NLGN1: variants seen among roughly 807,000 people sequenced by gnomAD.
NLGN1 encodes the protein neuroligin 1, also known as neuroligin-1.
NLGN1 carries 12 observed loss-of-function variants against 65.5 expected under a neutral mutation model. The ratio of observed to expected loss-of-function variants is 0.18; its 90% CI spans 0.12 to 0.30. NLGN1 has a LOEUF of 0.30. NLGN1 is among the 10% of genes least tolerant of loss of function. The pLI is 1.00. For missense variants in NLGN1, 750 were observed against 1,007.1 expected (o/e 0.74, Z 3.46); for synonymous variants, 350 against 359.5 (o/e 0.97, Z 0.30).
chr3:173,434,708 C>T (rs1717787209), intron 1 of NLGN1, among the ~76,000 whole-genome samples: 1 of 152,118 alleles, frequency 6.6e-6, no homozygotes, highest in African/African-American at 2.4e-5. Context: ...ATAAAATAGT[C>T]TAAAAGGAGT....
At chr3:174,173,451 A>G (rs1190041724) in intron 4 of NLGN1, among the ~76,000 whole-genome samples, 1 of 152,072 alleles carries the variant, frequency 6.6e-6, no homozygotes, top group Admixed American at 6.6e-5. Flanking sequence ...TGTCTGTCTC[A>G]TATAAATCTG....
chr3:174,164,105 C>G (rs1727082009), intron 4 of NLGN1, among the ~76,000 whole-genome samples: 1 of 151,790 alleles, frequency 6.6e-6, no homozygotes. Context: ...GTTGTTTTTT[C>G]TTTTTGACTT....
intron 2 of NLGN1, among the ~76,000 whole-genome samples, chr3:173,496,212 C>G (rs955000197): frequency 6.6e-6 from 1 of 151,572 alleles, no homozygotes; most frequent in Non-Finnish European, 1.5e-5. Context: ...TTAGTCAGTC[C>G]TTTATTGAGT....
At chr3:173,793,288 A>G (rs1713217327) in intron 3 of NLGN1, among the ~76,000 whole-genome samples, 1 of 152,130 alleles carries the variant, frequency 6.6e-6, no homozygotes. Context: ...GTATTTAATG[A>G]CAGGAATGAG....
At chr3:173,811,588 AAGAAAAGAAG>A (rs1241445615) in intron 4 of NLGN1, among the ~76,000 whole-genome samples, 1 of 150,108 alleles carries the variant, frequency 6.7e-6, no homozygotes, top group Non-Finnish European at 1.5e-5. Context: ...AAAAAAAAGG[AAGAAAAGAAG>A]AGAAAAGAAA....
chr3:173,993,878 G>A (rs937572528), intron 4 of NLGN1, among the ~76,000 whole-genome samples: 10 of 151,730 alleles, frequency 6.6e-5, no homozygotes, highest in Non-Finnish European at 1.3e-4. Context: ...GTATGTGTTT[G>A]TGTATTTATA....
intron 4 of NLGN1, among the ~76,000 whole-genome samples, chr3:174,139,908 A>G (rs549756453): frequency 1.4e-4 from 21 of 152,250 alleles, no homozygotes; most frequent in Non-Finnish European, 2.2e-4. Flanking sequence ...TGAGGTGTCT[A>G]TTTAAGTCTT....
intron 4 of NLGN1, among the ~76,000 whole-genome samples, chr3:174,041,790 C>T (rs1732375380): frequency 6.6e-6 from 1 of 151,912 alleles, no homozygotes; most frequent in Non-Finnish European, 1.5e-5. Flanking sequence ...AATATTTTGC[C>T]CATTTAAAAA....
intron 4 of NLGN1, among the ~76,000 whole-genome samples, chr3:173,849,048 A>G (rs1269440568): frequency 3.3e-5 from 5 of 152,140 alleles, no homozygotes; most frequent in Non-Finnish European, 5.9e-5. Flanking sequence ...GATATAGCCA[A>G]TGGTTTTATG....
intron 1 of NLGN1, among the ~76,000 whole-genome samples, chr3:173,420,631 C>T (rs1051463755): frequency 2.0e-5 from 3 of 152,106 alleles, no homozygotes; most frequent in African/African-American, 7.2e-5. Context: ...ATTTCTAGTT[C>T]TAGATCCCTG....
intron 2 of NLGN1, among the ~76,000 whole-genome samples, chr3:173,558,062 A>T (rs140743080): frequency 2.0e-5 from 3 of 152,178 alleles, no homozygotes; most frequent in Non-Finnish European, 4.4e-5. Flanking sequence ...TTAAAGATAC[A>T]GTTGCATTGT....
At chr3:174,147,925 A>G (rs575438520) in intron 4 of NLGN1, among the ~76,000 whole-genome samples, 29 of 152,310 alleles carry the variant, frequency 1.9e-4, no homozygotes, top group African/African-American at 6.3e-4. Flanking sequence ...TAAATGAACT[A>G]CCACATTAAA....
intron 4 of NLGN1, among the ~76,000 whole-genome samples, chr3:173,936,904 ACTATTTAGAAAT>A (rs1745166549): frequency 6.6e-6 from 1 of 152,046 alleles, no homozygotes; most frequent in African/African-American, 2.4e-5. Flanking sequence ...TTTTATTTTC[ACTATTTAGAAAT>A]ACAAGAAAAT....
At chr3:173,728,676 G>T (rs1390269756) in intron 3 of NLGN1, among the ~76,000 whole-genome samples, 1 of 152,058 alleles carries the variant, frequency 6.6e-6, no homozygotes, top group African/African-American at 2.4e-5. Flanking sequence ...GAACCAGATG[G>T]ATGCATACGT....
intron 2 of NLGN1, among the ~76,000 whole-genome samples, chr3:173,465,118 C>T (rs1455433199): frequency 6.6e-6 from 1 of 152,182 alleles, no homozygotes; most frequent in Non-Finnish European, 1.5e-5. Flanking sequence ...TTAAGATTTT[C>T]AAAGTTATCA....
chr3:173,913,947 A>T (rs2152234561), intron 4 of NLGN1, among the ~76,000 whole-genome samples: 1 of 152,278 alleles, frequency 6.6e-6, no homozygotes, highest in African/African-American at 2.4e-5. Context: ...ATCACACTGC[A>T]CCGCAGGAAA....
chr3:174,093,949 C>A (rs1181437901), intron 4 of NLGN1, among the ~76,000 whole-genome samples: 1 of 151,926 alleles, frequency 6.6e-6, no homozygotes, highest in Non-Finnish European at 1.5e-5. Context: ...TTTAGTATCA[C>A]AGTTTGGGAA....
chr3:173,925,773 G>A (rs1742888194), intron 4 of NLGN1, among the ~76,000 whole-genome samples: 1 of 151,912 alleles, frequency 6.6e-6, no homozygotes, highest in African/African-American at 2.4e-5. Flanking sequence ...GTAGACCAGA[G>A]ATAAAAATTA....
rs150206039 is a variant in NLGN1, at chr3:173,908,243, T to C, written c.646+100411T>C. ...AACATCACACGTATCTAGTGGTTCTTAGCCCAGAATGGTGCATTAGAACCA... is the reference window on the plus strand; with the variant it reads ...AACATCACACGTATCTAGTGGTTCTCAGCCCAGAATGGTGCATTAGAACCA... On this transcript the variant is annotated intron_variant, in intron 4 of 6. Coordinates refer to ENST00000457714, the Ensembl canonical transcript of NLGN1. Among the ~76,000 whole-genome samples the C allele has an allele frequency of 2.9e-3, 443 of 152,332 alleles. 2 individuals are homozygous for C. The highest frequency in any genetic ancestry group is 9.8e-3 in the African/African-American group (409 of 41,566).
Sources: gnomAD v4.1 joint callset for allele counts (sites outside exome capture counted in the v4.1 genomes callset) on GRCh38, gnomAD v4.1.1 for gene constraint, MANE v1.5 for transcripts, NCBI Gene and HGNC (gene_info 2026-07-23, HGNC 2026-07-21) for gene names.